Variants in CCDC91 observed in about 807,000 individuals in gnomAD.
CCDC91 encodes the protein coiled-coil domain-containing protein 91.
CCDC91 carries 48 observed loss-of-function variants against 63.2 expected under a neutral mutation model. The observed-to-expected ratio is 0.76, with a 90% confidence interval of 0.60 to 0.97. CCDC91 has a LOEUF of 0.97. Ranked by LOEUF, CCDC91 falls within the 50% of genes least tolerant of loss-of-function variation. CCDC91 has a pLI of 0.00. For missense variants in CCDC91, 500 were observed against 494.6 expected (o/e 1.01, Z -0.10); for synonymous variants, 167 against 165.8 (o/e 1.01, Z -0.06).
At chr12:28,428,571 C>CA (rs1260718148) in intron 8 of CCDC91, among the ~76,000 whole-genome samples, 1,504 of 70,792 alleles carry the variant, frequency 0.021, 54 homozygotes, top group African/African-American at 0.07. Context: ...CTCCGTCTCT[C>CA]CCCAAAAAAA....
intron 12 of CCDC91, among the ~76,000 whole-genome samples, chr12:28,499,376 C>G (rs1952494171): frequency 6.6e-6 from 1 of 151,262 alleles, no homozygotes. Context: ...TATTATTATA[C>G]TTTAAGTTCT....
At chr12:28,496,861 A>G (rs1952310151) in intron 12 of CCDC91, among the ~76,000 whole-genome samples, 1 of 148,116 alleles carries the variant, frequency 6.8e-6, no homozygotes, top group Non-Finnish European at 1.5e-5. Flanking sequence ...AATAGTTCTT[A>G]AGGTATATAT....
At chr12:28,456,214 A>T (rs1470073207) in intron 11 of CCDC91, among the ~76,000 whole-genome samples, 1 of 152,120 alleles carries the variant, frequency 6.6e-6, no homozygotes, top group African/African-American at 2.4e-5. Flanking sequence ...TTTCTGACAC[A>T]CAACATTAAG....
At position 28,329,691 on chromosome 12, in the gene CCDC91, C is replaced by T. The variant is rs555057077; in HGVS notation, c.576+21942C>T. ...CGCAGGTTTGTTACATAGGTATACA[C>T]GTGCCATGTTGGTTTGCTGCACCCA... On this transcript the variant is annotated intron_variant, in intron 6 of 12. Coordinates refer to ENST00000536442, the MANE Select transcript of CCDC91 (RefSeq NM_018318.5). 5.9e-5 allele frequency among the ~76,000 whole-genome samples: 9 copies of T among 152,038 alleles called. No individual in the cohort carries two copies. The South Asian group carries it at 1.7e-3, about 28-fold the overall frequency.
intron 3 of CCDC91, among the ~76,000 whole-genome samples, chr12:28,300,227 G>C (rs900986171): frequency 1.3e-5 from 2 of 151,096 alleles, no homozygotes; most frequent in Admixed American, 1.3e-4. Flanking sequence ...GATCCTCTTT[G>C]GAGTTTCTTT....
intron 1 of CCDC91, among the ~76,000 whole-genome samples, chr12:28,213,349 C>A (rs1943367100): frequency 6.6e-6 from 1 of 152,176 alleles, no homozygotes; most frequent in South Asian, 2.1e-4. Context: ...CCCATGAAGA[C>A]ATGTACTACA....
At chr12:28,251,004 G>C (rs1050660962) in intron 1 of CCDC91, among the ~76,000 whole-genome samples, 3 of 149,842 alleles carry the variant, frequency 2.0e-5, no homozygotes, top group African/African-American at 7.4e-5. Flanking sequence ...CCTTTGTTCT[G>C]TTTTCTCTAA....
chr12:28,339,117 A>T (rs1172232377), intron 6 of CCDC91, among the ~76,000 whole-genome samples: 2 of 152,198 alleles, frequency 1.3e-5, no homozygotes, highest in Non-Finnish European at 2.9e-5. Flanking sequence ...CTGGGATTAC[A>T]GGCATGAGCC....
chr12:28,247,385 C>T (rs988723354), intron 1 of CCDC91, among the ~76,000 whole-genome samples: 2 of 150,468 alleles, frequency 1.3e-5, no homozygotes, highest in Admixed American at 6.7e-5. Flanking sequence ...GAGGCTAAGC[C>T]AGGAGAATGG....
rs1484088997 is a variant in CCDC91, at chr12:28,338,381, C to T, written c.577-24057C>T. 5.7e-4 allele frequency among the ~76,000 whole-genome samples: 86 copies of T among 150,412 alleles called. 2 individuals carry two copies. In the Admixed American group the frequency reaches 5.7e-3, roughly 10 times the overall value. ...ATGTGCACAATGTGCAGGTTTGTTACATATGTATACATGTGCCATGTAGGT... is the reference window on the plus strand; with the variant it reads ...ATGTGCACAATGTGCAGGTTTGTTATATATGTATACATGTGCCATGTAGGT... On this transcript the variant is annotated intron_variant, in intron 6 of 12. Coordinates refer to ENST00000536442, the MANE Select transcript of CCDC91 (RefSeq NM_018318.5).
At chr12:28,508,252 G>T (rs1565494691) in intron 12 of CCDC91, among the ~76,000 whole-genome samples, 1 of 151,858 alleles carries the variant, frequency 6.6e-6, no homozygotes, top group African/African-American at 2.4e-5. Context: ...ACTTAAAAGA[G>T]AAAAGTTAGT....
At chr12:28,518,049 G>C (rs1320165161) in intron 12 of CCDC91, among the ~76,000 whole-genome samples, 1 of 151,962 alleles carries the variant, frequency 6.6e-6, no homozygotes. Context: ...ATGGGTTCCT[G>C]ATGGCTTCCA....
At chr12:28,227,038 A>C (rs1944312804) in intron 1 of CCDC91, among the ~76,000 whole-genome samples, 1 of 152,136 alleles carries the variant, frequency 6.6e-6, no homozygotes, top group Admixed American at 6.6e-5. Context: ...TAGGAGGAAG[A>C]GCATAGAGGT....
chr12:28,420,950 A>G (rs1947968016), intron 8 of CCDC91, among the ~76,000 whole-genome samples: 1 of 152,018 alleles, frequency 6.6e-6, no homozygotes, highest in Non-Finnish European at 1.5e-5. Flanking sequence ...TTTTTCCAGT[A>G]TACAGAATGT....
At chr12:28,489,441 C>A (rs1951885112) in intron 12 of CCDC91, among the ~76,000 whole-genome samples, 1 of 151,820 alleles carries the variant, frequency 6.6e-6, no homozygotes, top group Non-Finnish European at 1.5e-5. Context: ...AGAGTTCCAA[C>A]CCATCCCACA....
At chr12:28,278,460 C>T (rs1323393875) in intron 3 of CCDC91, among the ~76,000 whole-genome samples, 2 of 152,074 alleles carry the variant, frequency 1.3e-5, no homozygotes, top group African/African-American at 4.8e-5. Context: ...AACTTAAAGT[C>T]AGCATCTCTA....
chr12:28,422,969 G>T (rs1446680219), intron 8 of CCDC91, among the ~76,000 whole-genome samples: 1 of 151,896 alleles, frequency 6.6e-6, no homozygotes, highest in African/African-American at 2.4e-5. Context: ...TGTTGTTGGT[G>T]GTTGTTGTTG....
rs76171245 is a variant in CCDC91, at chr12:28,393,328, G to A, written c.762+1917G>A. Among the ~76,000 whole-genome samples the A allele has an allele frequency of 9.3e-3, 1,405 of 150,846 alleles. 27 individuals are homozygous for A. The highest frequency in any genetic ancestry group is 0.032 in the African/African-American group (1,335 of 41,214). On this transcript the variant is annotated intron_variant, in intron 8 of 12. Transcript: ENST00000536442. ...TATAGTAGTCAGCTCTGTTAAGGCC[G>A]TATCCACAGTTGTTTTAGAGAACTA...
chr12:28,418,298 A>G (rs1350406910), intron 8 of CCDC91, among the ~76,000 whole-genome samples: 1 of 152,194 alleles, frequency 6.6e-6, no homozygotes, highest in Non-Finnish European at 1.5e-5. Context: ...AATTTGTAGT[A>G]GAAACTGACA....
Sources: allele counts gnomAD v4.1 joint callset (sites outside exome capture counted in the v4.1 genomes callset), GRCh38; gene constraint gnomAD v4.1.1; transcripts MANE v1.5; gene names NCBI Gene and HGNC (gene_info 2026-07-23, HGNC 2026-07-21).